CNOT10: variants seen among roughly 807,000 people sequenced by gnomAD.
CNOT10 encodes the protein CCR4-NOT transcription complex, subunit 10.
CNOT10 carries 30 observed loss-of-function variants against 94.6 expected under a neutral mutation model. That is an observed-to-expected ratio of 0.32 (90% CI 0.24 to 0.43). CNOT10 has a LOEUF of 0.43. Ranked by LOEUF, CNOT10 falls within the 20% of genes least tolerant of loss-of-function variation. CNOT10 has a pLI of 1.00. For missense variants in CNOT10, 759 were observed against 877.2 expected, an observed-to-expected ratio of 0.87 and a Z score of 1.70; for synonymous variants, 289 against 301.6, an observed-to-expected ratio of 0.96 and a Z score of 0.43.
intron 13 of CNOT10, among the ~76,000 whole-genome samples, chr3:32,757,169 A>ATTTT (rs1700257010): frequency 3.2e-5 from 2 of 63,404 alleles, no homozygotes; most frequent in East Asian, 4.9e-4. Flanking sequence ...GCCCTGAACT[A>ATTTT]ATTTTTTTTT....
At chr3:32,728,880 C>T (rs564193396) in intron 10 of CNOT10, among the ~76,000 whole-genome samples, 11 of 152,202 alleles carry the variant, frequency 7.2e-5, no homozygotes, top group African/African-American at 2.6e-4. Context: ...GCGGGTGGAT[C>T]ACGAGGTCAG....
At chr3:32,741,330 T>C (rs553992321) in intron 13 of CNOT10, among the ~76,000 whole-genome samples, 231 of 1,972 alleles carry the variant, frequency 0.12, no homozygotes, top group South Asian at 0.16. Flanking sequence ...GTAGGACATC[T>C]AGCTTTATTC....
chr3:32,738,836 T>C (rs1360862779), intron 13 of CNOT10, among the ~76,000 whole-genome samples: 1 of 152,112 alleles, frequency 6.6e-6, no homozygotes, highest in Non-Finnish European at 1.5e-5. Context: ...TTTATTGGCA[T>C]AACATTGTTC....
At chr3:32,728,001 T>G (rs1698761710) in intron 10 of CNOT10, 131 bp downstream of exon 10, 2 of 615,812 alleles carry the variant, frequency 3.2e-6, no homozygotes, top group African/African-American at 4.0e-5. Flanking sequence ...ATTTATTTAT[T>G]TATTTATTTT....
chr3:32,692,294 A>G (rs1337095192), intron 1 of CNOT10, among the ~76,000 whole-genome samples: 1 of 152,102 alleles, frequency 6.6e-6, no homozygotes, highest in African/African-American at 2.4e-5. Flanking sequence ...CAGGGTCCCA[A>G]TATATTGCCC....
intron 4 of CNOT10, 72 bp downstream of exon 4, chr3:32,708,892 A>G: frequency 7.9e-7 from 1 of 1,266,462 alleles, no homozygotes; most frequent in East Asian, 2.5e-5. Context: ...ACTTTTACCT[A>G]GATAACCTAA....
chr3:32,713,595 C>G (rs955448163), intron 5 of CNOT10, among the ~76,000 whole-genome samples: 1 of 152,078 alleles, frequency 6.6e-6, no homozygotes, highest in Admixed American at 6.6e-5. Context: ...TTACTACTAT[C>G]TAATTTCAAA....
chr3:32,686,853 G>A (rs1402942559), intron 1 of CNOT10, among the ~76,000 whole-genome samples: 1 of 152,122 alleles, frequency 6.6e-6, no homozygotes, highest in African/African-American at 2.4e-5. Context: ...CAGTCATAAA[G>A]CCTTCTACTT....
chr3:32,731,304 T>G (rs904488971), intron 10 of CNOT10, among the ~76,000 whole-genome samples: 1 of 152,166 alleles, frequency 6.6e-6, no homozygotes, highest in African/African-American at 2.4e-5. Context: ...TCAGGAGCAA[T>G]AAGTAACAGT....
chr3:32,749,937 C>G (rs1196664267), intron 13 of CNOT10, among the ~76,000 whole-genome samples: 1 of 152,072 alleles, frequency 6.6e-6, no homozygotes, highest in African/African-American at 2.4e-5. Flanking sequence ...AAGGAAATAA[C>G]TGGGTGTGGT....
chr3:32,753,726 A>G (rs1559511778), intron 13 of CNOT10: 1 of 1,596,126 alleles, frequency 6.3e-7, no homozygotes, highest in South Asian at 1.1e-5. Flanking sequence ...AGGGAGATGC[A>G]GCTTTAAACA....
chr3:32,701,822 T>A (rs1697362850), intron 1 of CNOT10, among the ~76,000 whole-genome samples: 1 of 152,200 alleles, frequency 6.6e-6, no homozygotes, highest in Non-Finnish European at 1.5e-5. Flanking sequence ...TGACAGAGTC[T>A]CACTCTGTTG....
At chr3:32,700,236 A>G (rs942360629) in intron 1 of CNOT10, among the ~76,000 whole-genome samples, 38 of 152,224 alleles carry the variant, frequency 2.5e-4, no homozygotes, top group African/African-American at 7.0e-4. Context: ...TCGGCCTCCC[A>G]AAGTGCTGGG....
chr3:32,723,767 A>G (rs1397153034), intron 8 of CNOT10, among the ~76,000 whole-genome samples: 1 of 152,160 alleles, frequency 6.6e-6, no homozygotes, highest in Non-Finnish European at 1.5e-5. Context: ...AACCAACAGA[A>G]AAAACATCTG....
intron 5 of CNOT10, among the ~76,000 whole-genome samples, chr3:32,713,912 C>G (rs1281084141): frequency 6.6e-6 from 1 of 152,100 alleles, no homozygotes; most frequent in Non-Finnish European, 1.5e-5. Flanking sequence ...AATTCTTTAT[C>G]AGTTGGTGGA....
intron 10 of CNOT10, among the ~76,000 whole-genome samples, chr3:32,732,662 C>A (rs1699014457): frequency 6.6e-6 from 1 of 151,848 alleles, no homozygotes; most frequent in Non-Finnish European, 1.5e-5. Flanking sequence ...GCTGGTCTCA[C>A]ACTCCTGGTT....
At chr3:32,702,943 A>T (rs1575212794) in intron 1 of CNOT10, among the ~76,000 whole-genome samples, 2 of 146,920 alleles carry the variant, frequency 1.4e-5, no homozygotes. Flanking sequence ...ACGGAGTCCT[A>T]CTCTGTCGCC....
At chr3:32,769,680 A>T in intron 17 of CNOT10, 1 of 515,458 alleles carries the variant, frequency 1.9e-6, no homozygotes, top group Non-Finnish European at 3.5e-6. Context: ...CCATCTCAAA[A>T]CCCAGAGTAT....
intron 13 of CNOT10, among the ~76,000 whole-genome samples, chr3:32,754,489 A>AAAAAATATATATATAT (rs77878221): frequency 1.4e-5 from 1 of 70,214 alleles, no homozygotes; most frequent in African/African-American, 7.7e-5. Flanking sequence ...AAAAAAAAAA[A>AAAAAATATATATATAT]ATACATATAT....
Sources: gnomAD v4.1 joint callset for allele counts (sites outside exome capture counted in the v4.1 genomes callset) on GRCh38, gnomAD v4.1.1 for gene constraint, MANE v1.5 for transcripts, NCBI Gene and HGNC (gene_info 2026-07-23, HGNC 2026-07-21) for gene names.